CMAS: variants seen among roughly 807,000 people sequenced by gnomAD.
The protein encoded by CMAS is N-acylneuraminate cytidylyltransferase.
A neutral mutation model predicts 53.4 loss-of-function variants in CMAS; 21 were observed. The observed-to-expected ratio is 0.39, with a 90% CI of 0.28 to 0.57. The LOEUF (loss-of-function observed/expected upper bound fraction) is 0.57. Ranked by LOEUF, CMAS falls within the 20% of genes least tolerant of loss-of-function variation. The probability of loss-of-function intolerance (pLI) is 0.56; values close to 1 mark genes in which losing one functional copy is unlikely to be tolerated. For synonymous variants in CMAS, 189 were observed against 195.2 expected (o/e 0.97, Z 0.27); for missense variants, 384 against 534.9 (o/e 0.72, Z 2.78).
chr12:22,065,380 A>T lies in CMAS; in HGVS notation c.*69A>T, dbSNP rs1950340421. 3 of 1,211,934 alleles carry T rather than the reference A, an allele frequency of 2.5e-6. No individual in the cohort carries two copies. Among genetic ancestry groups the T allele is most frequent in the African/African-American group, 3.0e-5 (2 of 66,976 alleles). 75.1% of individuals were successfully genotyped at this position (1,211,934 alleles called of 1,614,324 possible). ...GCCAGTTTGCTTTTATTTTTGATTA[A>T]GTAAATTCCATGTTGTAATGTTACA... On this transcript the variant is annotated 3_prime_UTR_variant, in exon 8 of 8. Transcript: ENST00000229329.
intron 1 of CMAS, among the ~76,000 whole-genome samples, chr12:22,052,981 T>C (rs1426955702): frequency 2.0e-5 from 3 of 152,162 alleles, no homozygotes; most frequent in African/African-American, 7.2e-5. Context: ...TTTCCACTCA[T>C]GATAATTGAG....
chr12:22,059,479 C>T (rs911899417), intron 4 of CMAS, among the ~76,000 whole-genome samples: 1 of 152,062 alleles, frequency 6.6e-6, no homozygotes. Context: ...AAGTAATTGA[C>T]TCAAGGCAAA....
chr12:22,053,422 A>G (rs887901994), intron 1 of CMAS, among the ~76,000 whole-genome samples: 2 of 148,820 alleles, frequency 1.3e-5, no homozygotes, highest in African/African-American at 5.1e-5. Context: ...ATATATACAC[A>G]TTATATATAC....
chr12:22,063,271 T>G (rs531917889), intron 7 of CMAS, among the ~76,000 whole-genome samples: 1 of 152,200 alleles, frequency 6.6e-6, no homozygotes, highest in African/African-American at 2.4e-5. Context: ...GGAAAAACTT[T>G]GGGAGCATGT....
Position 22,058,602 on chromosome 12 carries a change from G to A in CMAS, c.595G>A (p.Ala199Thr). Residue 199 changes from alanine to threonine, a missense_variant, in exon 4 of 8, where the codon GCT (alanine) becomes ACT (threonine). Coordinates refer to ENST00000229329, the MANE Select transcript of CMAS (RefSeq NM_018686.6). ...GACCGAACCTCTGAATTTAAATCCA[G>A]CTAAACGGCCTCGTCGACAAGACTG... ...EVTEPLNLNP[A>T]KRPRRQDWDG... 1 of 1,613,560 alleles carries A rather than the reference G, an allele frequency of 6.2e-7. No homozygotes were observed. The highest frequency in any genetic ancestry group is 1.1e-5 in the South Asian group (1 of 90,978).
intron 7 of CMAS, 99 bp downstream of exon 7, chr12:22,062,533 A>G (rs1950315557): frequency 8.3e-7 from 1 of 1,208,602 alleles, no homozygotes; most frequent in African/African-American, 1.6e-5. Context: ...AATGGGTATG[A>G]TTGTAGGGAA....
chr12:22,046,474 C>A lies in CMAS; in HGVS notation c.171C>A (p.Gly57=), dbSNP rs1254908899. 7 of 1,610,480 alleles carry A rather than the reference C, an allele frequency of 4.3e-6. No homozygotes were observed. The highest frequency in any genetic ancestry group is 5.9e-6 in the Non-Finnish European group (7 of 1,178,748). Residue 57 remains glycine (G), a synonymous_variant, in exon 1 of 8, where the codon GGC becomes GGA. Transcript: ENST00000229329. ...TTCTGGCCCGGGGAGGCAGCAAAGG[C>A]ATCCCCCTGAAGAACATTAAGCACC... ...ALILARGGSK[G]IPLKNIKHLA...
rs1950343003 is a variant in CMAS at position 22,065,667 on chromosome 12, G to A, written c.*356G>A. The A allele has an allele frequency of 6.2e-6, 1 of 162,430 alleles. No individual in the cohort carries two copies. Among genetic ancestry groups the A allele is most frequent in the African/African-American group, 2.4e-5 (1 of 41,818 alleles). 10.1% of individuals were successfully genotyped at this position (162,430 alleles called of 1,614,324 possible). On this transcript the variant is annotated 3_prime_UTR_variant, in exon 8 of 8. Coordinates refer to ENST00000229329, the MANE Select transcript of CMAS (RefSeq NM_018686.6). ...TAATAAAACTACATTTCTCAAACTT[G>A]ATGAAAACTGCCTTGTTGCTCTAGA...
At chr12:22,052,189 T>G (rs1950242108) in intron 1 of CMAS, among the ~76,000 whole-genome samples, 1 of 152,234 alleles carries the variant, frequency 6.6e-6, no homozygotes, top group Non-Finnish European at 1.5e-5. Flanking sequence ...GATCCCTCGC[T>G]TCTCTTTTCC....
chr12:22,048,472 C>T (rs1950220276), intron 1 of CMAS, among the ~76,000 whole-genome samples: 1 of 152,110 alleles, frequency 6.6e-6, no homozygotes, highest in South Asian at 2.1e-4. Context: ...AGCTTAAGGC[C>T]ATGTCCCTAG....
intron 1 of CMAS, among the ~76,000 whole-genome samples, chr12:22,053,556 A>G (rs1432236268): frequency 6.6e-6 from 1 of 151,336 alleles, no homozygotes; most frequent in African/African-American, 2.4e-5. Context: ...ACTATAAGTC[A>G]TTAAGATATC....
rs1239112854 is a variant in CMAS, at chr12:22,065,279, A to T, written c.1273A>T (p.Met425Leu). The change falls in exon 8 of 8, where the codon ATG becomes TTG. Residue 425 changes from methionine to leucine, a missense_variant. This residue lies in a region of CMAS where 134 missense variants were observed against 154.6 expected (regional missense o/e 0.87). Transcript: ENST00000229329. ...ATTTGCAGAGCACATTTGCCTACTA[A>T]TGGAAAAGGTTAATAATTCATGCCA... Reference protein sequence around the residue: ...REFAEHICLLMEKVNNSCQK With the variant: ...REFAEHICLLLEKVNNSCQK 6.2e-7 allele frequency: 1 copy of T among 1,613,952 alleles called. No individual in the cohort carries two copies. Among genetic ancestry groups the T allele is most frequent in the Admixed American group, 1.7e-5 (1 of 60,010 alleles).
intron 7 of CMAS, 54 bp downstream of exon 7, chr12:22,062,488 C>CTTA: frequency 1.3e-6 from 2 of 1,548,986 alleles, no homozygotes; most frequent in Non-Finnish European, 1.8e-6. Context: ...TAATTATTTA[C>CTTA]TTATTTTTAA....
intron 4 of CMAS, among the ~76,000 whole-genome samples, chr12:22,059,340 T>C (rs895872842): frequency 3.3e-5 from 5 of 152,022 alleles, no homozygotes; most frequent in Admixed American, 1.3e-4. Context: ...TTATTTATTA[T>C]TTACTGTGTA....
At chr12:22,051,130 G>C (rs1021020653) in intron 1 of CMAS, among the ~76,000 whole-genome samples, 3 of 152,150 alleles carry the variant, frequency 2.0e-5, no homozygotes, top group African/African-American at 7.2e-5. Flanking sequence ...GGCCTGCTCA[G>C]AATCAAAGCT....
chr12:22,048,015 C>T (rs1207454891), intron 1 of CMAS, among the ~76,000 whole-genome samples: 3 of 152,102 alleles, frequency 2.0e-5, no homozygotes, highest in Non-Finnish European at 4.4e-5. Flanking sequence ...TATCAGGAAA[C>T]CCTGTTCAAA....
rs1950203503 is a variant in CMAS, at chr12:22,046,236, G to A, written c.-68G>A. 3 of 1,363,326 alleles carry A rather than the reference G, an allele frequency of 2.2e-6. No individual in the cohort carries two copies. Among genetic ancestry groups the A allele is most frequent in the Non-Finnish European group, 1.9e-6 (2 of 1,051,292 alleles). 84.5% of individuals were successfully genotyped at this position (1,363,326 alleles called of 1,614,324 possible). A position where few individuals can be genotyped will look rare whatever the true frequency, so the allele number is the denominator to read the frequency against. On this transcript the variant is annotated 5_prime_UTR_variant, in exon 1 of 8. Coordinates refer to ENST00000229329, the MANE Select transcript of CMAS (RefSeq NM_018686.6). ...AGCTGCCAGGCGGGGATCGGGCGGC[G>A]CCGAGCTGAGGTGGTGAGGGACTAG... is the stretch of plus-strand genomic sequence containing the variant.
chr12:22,055,052 C>T, intron 1 of CMAS, 97 bp from the exon 2 acceptor site: 2 of 802,882 alleles, frequency 2.5e-6, no homozygotes, highest in Non-Finnish European at 3.7e-6. Context: ...AAAATATTCT[C>T]ACATTATATA....
In CMAS at chr12:22,065,420, G is replaced by A; in HGVS notation, c.*109G>A. On this transcript the variant is annotated 3_prime_UTR_variant, in exon 8 of 8. Transcript: ENST00000229329. ...GTAATGTTACAGAGAGTGTGATTTG[G>A]TTTGTGATATATATATATTGTGCTC... The A allele has an allele frequency of 1.2e-6, 1 of 804,656 alleles. No individual in the cohort carries two copies. The highest frequency in any genetic ancestry group is 2.0e-6 in the Non-Finnish European group (1 of 507,634). The allele number at this position is 804,656 out of a possible 1,614,324, so 49.8% of individuals were successfully genotyped here.
Sources: allele counts gnomAD v4.1 joint callset (sites outside exome capture counted in the v4.1 genomes callset), GRCh38; gene constraint gnomAD v4.1.1; regional missense constraint gnomAD v4.1.1; transcripts MANE v1.5; gene names NCBI Gene and HGNC (gene_info 2026-07-23, HGNC 2026-07-21).